Variants in NAV2 observed in about 807,000 individuals in gnomAD.
NAV2 encodes helicase, APC down-regulated 1.
A neutral mutation model predicts 223.2 loss-of-function variants in NAV2; 54 were observed. The observed-to-expected ratio is 0.24, with a 90% CI of 0.19 to 0.30. The LOEUF (loss-of-function observed/expected upper bound fraction) is 0.30, where lower values mean the gene tolerates loss of function less well. Ranked by LOEUF, NAV2 falls within the 10% of genes least tolerant of loss-of-function variation. NAV2 has a pLI of 1.00. For synonymous variants in NAV2, 1,279 were observed against 1,239.3 expected (o/e 1.03, Z -0.67); for missense variants, 2,806 against 3,147.5 (o/e 0.89, Z 2.60).
chr11:19,904,653 TTTC>T (rs1222536727), intron 6 of NAV2, among the ~76,000 whole-genome samples: 2 of 152,268 alleles, frequency 1.3e-5, no homozygotes, highest in East Asian at 3.9e-4. Context: ...AACTAGCTTT[TTTC>T]TTCTCTCTCT....
rs1384952391 is a variant in NAV2, at chr11:19,933,690, G to A, written c.1446G>A (p.Leu482=). 3 of 1,614,200 alleles carry A rather than the reference G, an allele frequency of 1.9e-6. No homozygotes were observed. The highest frequency in any genetic ancestry group is 3.3e-5 in the Admixed American group (2 of 60,034). ...SRALTNKKSS[L]KGNEKEKEKQ... ...CACTGACCAACAAGAAGAGTTCTCTGAAAGGCAATGAGAAAGAGAAGGAGA... is the reference window on the plus strand; with the variant it reads ...CACTGACCAACAAGAAGAGTTCTCTAAAAGGCAATGAGAAAGAGAAGGAGA... Residue 482 remains leucine (L), a synonymous_variant, in exon 7 of 38, where the codon CTG becomes CTA. Transcript: ENST00000349880. This position sits in a 1 kb window ranked among gnomAD's most constrained non-coding sequence, Gnocchi z 4.3.
At position 20,105,737 on chromosome 11, in the gene NAV2, A is replaced by G; in HGVS notation, c.6841+10A>G. On this transcript the variant is annotated intron_variant, in intron 35 of 37. Coordinates refer to ENST00000349880, the MANE Select transcript of NAV2 (RefSeq NM_145117.5). Reference sequence around the variant, plus strand: ...TCGGACGTCACCATCGGTGGGTGGGAGACTGGGGTCAGGGGGGCGGGCTGG... The same window carrying G: ...TCGGACGTCACCATCGGTGGGTGGGGGACTGGGGTCAGGGGGGCGGGCTGG... The G allele has an allele frequency of 6.2e-7, 1 of 1,607,792 alleles. No individual in the cohort carries two copies. Among genetic ancestry groups the G allele is most frequent in the East Asian group, 2.2e-5 (1 of 44,794 alleles).
At chr11:20,103,961 A>T (rs2061832583) in intron 34 of NAV2, among the ~76,000 whole-genome samples, 1 of 152,224 alleles carries the variant, frequency 6.6e-6, no homozygotes, top group South Asian at 2.1e-4. Flanking sequence ...GTGAGGTCAC[A>T]CACTGGTCAG....
upstream of NAV2, among the ~76,000 whole-genome samples, chr11:19,709,495 C>T (rs1325443337): frequency 7.2e-6 from 1 of 139,604 alleles, no homozygotes; most frequent in Non-Finnish European, 1.5e-5. Context: ...GGTAGTGAGC[C>T]AATATCGTGC....
intron 5 of NAV2, among the ~76,000 whole-genome samples, chr11:19,891,576 G>A (rs959680579): frequency 2.0e-5 from 3 of 152,196 alleles, no homozygotes; most frequent in African/African-American, 7.2e-5. Context: ...AATATATGAT[G>A]TTATCCATCT....
At chr11:19,450,245 C>T (rs1321211363) in intron 1 of NAV2, among the ~76,000 whole-genome samples, 1 of 152,168 alleles carries the variant, frequency 6.6e-6, no homozygotes, top group East Asian at 1.9e-4. Context: ...TTTCCCTGCA[C>T]AGCGTATGAT....
chr11:19,734,281 A>G (rs1847938564), intron 1 of NAV2, among the ~76,000 whole-genome samples: 2 of 152,220 alleles, frequency 1.3e-5, no homozygotes. Context: ...TGCCTTTATT[A>G]AAATGGAAAT....
chr11:19,408,367 A>T (rs1339256323), intron 1 of NAV2, among the ~76,000 whole-genome samples: 2 of 152,214 alleles, frequency 1.3e-5, no homozygotes, highest in Non-Finnish European at 2.9e-5. Flanking sequence ...GAGCTAAAAT[A>T]TTCTGAACCT....
intron 1 of NAV2, among the ~76,000 whole-genome samples, chr11:19,509,621 G>A (rs1564998716): frequency 6.6e-6 from 1 of 152,232 alleles, no homozygotes; most frequent in Non-Finnish European, 1.5e-5. Context: ...AGCAGGCACT[G>A]CGATAAATGA....
At chr11:19,674,205 C>T (rs777191246) in intron 1 of NAV2, among the ~76,000 whole-genome samples, 10 of 152,284 alleles carry the variant, frequency 6.6e-5, no homozygotes, top group African/African-American at 1.7e-4. Context: ...CTCTTGAAGC[C>T]GCCGTCTCCC....
intron 11 of NAV2, among the ~76,000 whole-genome samples, chr11:19,985,908 T>C (rs1336500272): frequency 1.3e-5 from 2 of 151,416 alleles, no homozygotes; most frequent in Admixed American, 1.3e-4. Context: ...GAAACTAAAC[T>C]CTCTGTAACT....
intron 1 of NAV2, among the ~76,000 whole-genome samples, chr11:19,781,667 A>G (rs2056756417): frequency 6.6e-6 from 1 of 151,916 alleles, no homozygotes; most frequent in South Asian, 2.1e-4. Flanking sequence ...CCCTGTAGTT[A>G]TATTGCTCCC....
Position 20,103,712 on chromosome 11 carries a change from A to C in NAV2, c.6632A>C (p.His2211Pro), listed in dbSNP as rs1357116462. The change falls in exon 34 of 38, where the codon CAC (histidine) becomes CCC (proline). Residue 2211 changes from histidine (H) to proline (P), a missense_variant. Around this residue, in one of 4 missense-constraint regions of NAV2, gnomAD observed 824 missense variants for 1,069.4 expected, o/e 0.77. Coordinates refer to ENST00000349880, the MANE Select transcript of NAV2 (RefSeq NM_145117.5). ...ATSSTPNLQL[H>P]HNFRWVLCAN... ...TCTTCGACTCCCAACCTGCAGCTTC[A>C]CCATAACTTCAGGTCAGTTTTCCCT... is the stretch of plus-strand genomic sequence containing the variant. 2 of 1,614,110 alleles carry C rather than the reference A, an allele frequency of 1.2e-6. No homozygotes were observed. The highest frequency in any genetic ancestry group is 3.3e-5 in the Admixed American group (2 of 60,022).
intron 4 of NAV2, among the ~76,000 whole-genome samples, chr11:19,879,592 C>T (rs554617277): frequency 1.1e-4 from 16 of 152,274 alleles, no homozygotes; most frequent in African/African-American, 2.9e-4. Flanking sequence ...TTGCTCGAGA[C>T]GCTTGCTTTT....
intron 15 of NAV2, 119 bp downstream of exon 15, chr11:20,049,314 T>A: frequency 1.3e-6 from 1 of 780,068 alleles, no homozygotes; most frequent in Non-Finnish European, 2.0e-6. Context: ...CTCTTTCTAA[T>A]TACTGCTGTC....
rs559940436 is a variant in NAV2, at chr11:19,829,751, C to T, written c.268-2733C>T. Among the ~76,000 whole-genome samples, 6 of 152,294 alleles carry T rather than the reference C, an allele frequency of 3.9e-5. No homozygotes were observed. The East Asian group carries it at 9.6e-4, about 24-fold the overall frequency. The stretch of plus-strand genomic sequence containing the variant: ...CCAATTGCCTTCACTTCCTGAGCCC[C>T]AGCATGGATCAGGACAGGCACTTCC... On this transcript the variant is annotated intron_variant, in intron 1 of 37. Transcript: ENST00000349880.
intron 1 of NAV2, among the ~76,000 whole-genome samples, chr11:19,722,979 G>T (rs533014288): frequency 1.3e-4 from 20 of 152,216 alleles, no homozygotes; most frequent in Admixed American, 1.2e-3. Context: ...TGGCTGCTGC[G>T]ATGGAAGAAG....
chr11:19,761,612 A>T (rs1353312913), intron 1 of NAV2, among the ~76,000 whole-genome samples: 2 of 152,182 alleles, frequency 1.3e-5, no homozygotes, highest in Non-Finnish European at 2.9e-5. Context: ...CTGCAGCCTC[A>T]TGAGTTCGTG....
intron 6 of NAV2, among the ~76,000 whole-genome samples, chr11:19,930,201 C>CTCT (rs1565579229): frequency 8.5e-5 from 13 of 152,228 alleles, no homozygotes; most frequent in Admixed American, 8.5e-4. Flanking sequence ...GTGATATAAA[C>CTCT]CAGGCCTGAG....
Sources: gnomAD v4.1 joint callset for allele counts (sites outside exome capture counted in the v4.1 genomes callset) on GRCh38, gnomAD v4.1.1 for gene constraint, gnomAD v4.1.1 regional missense constraint, Gnocchi (gnomAD v3.1) non-coding constraint, MANE v1.5 for transcripts, NCBI Gene and HGNC (gene_info 2026-07-23, HGNC 2026-07-21) for gene names.